Variants in TRIM67 observed in about 807,000 individuals in gnomAD.
TRIM67 encodes the protein tripartite motif-containing protein 67.
Under a neutral mutation model 71.0 loss-of-function variants are expected in TRIM67, and 39 were observed. That is an observed-to-expected ratio of 0.55 (90% CI 0.43 to 0.72). TRIM67 has a LOEUF of 0.72. Ranked by LOEUF, TRIM67 falls within the 30% of genes least tolerant of loss-of-function variation. The pLI is 0.00. For missense variants in TRIM67, 973 were observed against 1,079.2 expected (o/e 0.90, Z 1.38); for synonymous variants, 481 against 473.9 (o/e 1.01, Z -0.19).
chr1:231,188,598 C>A (rs1334581994), intron 1 of TRIM67, among the ~76,000 whole-genome samples: 9 of 152,174 alleles, frequency 5.9e-5, no homozygotes, highest in African/African-American at 2.2e-4. Flanking sequence ...CAAAGAGCAT[C>A]GACTTTGGAT....
intron 1 of TRIM67, among the ~76,000 whole-genome samples, chr1:231,192,195 TCTCC>T (rs1400582828): frequency 7.0e-6 from 1 of 143,200 alleles, no homozygotes; most frequent in Non-Finnish European, 1.5e-5. Flanking sequence ...TCTCTCTCAC[TCTCC>T]CTGTCTCTCT....
chr1:231,174,152 C>CTTTTTTTTTTTTT (rs35651112), intron 1 of TRIM67, among the ~76,000 whole-genome samples: 9 of 127,350 alleles, frequency 7.1e-5, no homozygotes, highest in African/African-American at 1.2e-4. Flanking sequence ...GTCTTATTTT[C>CTTTTTTTTTTTTT]TTTTTTTTTT....
At chr1:231,184,866 A>T in intron 1 of TRIM67, 1 of 682,728 alleles carries the variant, frequency 1.5e-6, no homozygotes, top group South Asian at 1.9e-5. Context: ...TTCACACGTG[A>T]GGACACGAAG....
At chr1:231,181,147 GT>G (rs377334781) in intron 1 of TRIM67, among the ~76,000 whole-genome samples, 1 of 152,132 alleles carries the variant, frequency 6.6e-6, no homozygotes, top group African/African-American at 2.4e-5. Context: ...TATATTTTTA[GT>G]AAAGATGAGG....
In TRIM67 at chr1:231,201,414, C is replaced by T. The variant is rs184603548; in HGVS notation, c.1431C>T (p.Gly477=). 3.3e-5 allele frequency: 53 copies of T among 1,613,452 alleles called. No homozygotes were observed. Among genetic ancestry groups the T allele is most frequent in the Middle Eastern group, 1.6e-4 (1 of 6,062 alleles). The change falls in exon 5 of 10, where the codon GGC becomes GGT. Residue 477 remains glycine, a synonymous_variant. Coordinates refer to ENST00000366653, the MANE Select transcript of TRIM67 (RefSeq NM_001004342.5). ...VQVSQEQWVK[G]ALEPKVSAEF... is the part of the protein sequence containing the mutation. ...TGTCTCAGGAGCAGTGGGTCAAAGGCGCCCTGGAGCCGAAAGTGTCTGCGG... is the reference window on the plus strand; with the variant it reads ...TGTCTCAGGAGCAGTGGGTCAAAGGTGCCCTGGAGCCGAAAGTGTCTGCGG...
At chr1:231,164,931 A>G (rs1003986220) in intron 1 of TRIM67, among the ~76,000 whole-genome samples, 4 of 152,220 alleles carry the variant, frequency 2.6e-5, no homozygotes, top group African/African-American at 9.6e-5. Context: ...AACATTTTAG[A>G]ATAACAAATT....
intron 5 of TRIM67, 46 bp downstream of exon 5, chr1:231,201,563 A>T: frequency 4.4e-6 from 7 of 1,593,124 alleles, no homozygotes; most frequent in Non-Finnish European, 6.0e-6. Context: ...CTTTCAAAAG[A>T]GGCATGCAGT....
Position 231,201,515 on chromosome 1 carries a change from G to A in TRIM67, c.1532G>A (p.Arg511Lys), listed in dbSNP as rs771074034. Residue 511 changes from arginine (R) to lysine (K), a missense_variant and splice_region_variant, in exon 5 of 10, where the codon AGG becomes AAG. By Grantham distance (26) the Arg-to-Lys change is conservative (BLOSUM62 2). Around this residue, in one of 2 missense-constraint regions of TRIM67, gnomAD observed 795 missense variants for 831.3 expected, o/e 0.96. Transcript: ENST00000366653. The part of the protein sequence containing the change: ...HQLDFIQMKC[R>K]VPPVPLLQLE... ...CTGGACTTCATTCAGATGAAATGTA[G>A]GGGTGAGCCGCGGTTGGCCCCAGTT... The A allele has an allele frequency of 4.3e-6, 7 of 1,613,456 alleles. No individual in the cohort carries two copies. Among genetic ancestry groups the A allele is most frequent in the Non-Finnish European group, 5.9e-6 (7 of 1,179,726 alleles).
Position 231,188,444 on chromosome 1 carries a change from G to A in TRIM67, c.1045-8927G>A, listed in dbSNP as rs1558297916. On this transcript the variant is annotated intron_variant, in intron 1 of 9. Transcript: ENST00000366653. ...AAGCACACAGAATGCCAGGGACAAG[G>A]GTCCCCTGGAGAATAAAGATGCAGC... Among the ~76,000 whole-genome samples the A allele has an allele frequency of 2.0e-5, 3 of 152,220 alleles. 1 individual carries two copies. The highest frequency in any genetic ancestry group is 4.4e-5 in the Non-Finnish European group (3 of 68,036).
At chr1:231,185,936 G>A in intron 1 of TRIM67, 1 of 673,394 alleles carries the variant, frequency 1.5e-6, no homozygotes, top group East Asian at 2.7e-5. Context: ...AGATGAGTGT[G>A]ATAAACGGCC....
In TRIM67 at chr1:231,192,412, T is replaced by C. The variant is rs1007725364; in HGVS notation, c.1045-4959T>C. On this transcript the variant is annotated intron_variant, in intron 1 of 9. Coordinates refer to ENST00000366653, the MANE Select transcript of TRIM67 (RefSeq NM_001004342.5). ...CCAGGCTGGTCTCAAACTCCTGGGT[T>C]CAAGCAATCCTCCCACCCCGGCCTC... 5.3e-5 allele frequency among the ~76,000 whole-genome samples: 8 copies of C among 152,208 alleles called. No homozygotes were observed. The South Asian group carries it at 1.7e-3, about 32-fold the overall frequency.
chr1:231,181,319 A>G (rs549853425), intron 1 of TRIM67, among the ~76,000 whole-genome samples: 1 of 152,172 alleles, frequency 6.6e-6, no homozygotes, highest in Non-Finnish European at 1.5e-5. Flanking sequence ...TTCCTCTGCT[A>G]TGAGTCTACT....
intron 1 of TRIM67, among the ~76,000 whole-genome samples, chr1:231,171,645 T>G (rs1682621937): frequency 6.6e-6 from 1 of 152,146 alleles, no homozygotes. Flanking sequence ...TTTTGTGAAG[T>G]TCTTGATGTG....
chr1:231,216,039 T>C lies in TRIM67; in HGVS notation c.*599T>C. ...GACATTAATCATTCATGCTTGACTTTTGCCTCTCTCACTGAAGTGTTAGAA... is the reference window on the plus strand; with the variant it reads ...GACATTAATCATTCATGCTTGACTTCTGCCTCTCTCACTGAAGTGTTAGAA... On this transcript the variant is annotated 3_prime_UTR_variant, in exon 10 of 10. Transcript: ENST00000366653. The C allele has an allele frequency of 1.0e-6, 1 of 985,494 alleles. No homozygotes were observed. 61.0% of individuals were successfully genotyped at this position (985,494 alleles called of 1,614,324 possible).
chr1:231,168,924 G>A (rs1304798550), intron 1 of TRIM67, among the ~76,000 whole-genome samples: 1 of 152,240 alleles, frequency 6.6e-6, no homozygotes, highest in Non-Finnish European at 1.5e-5. Flanking sequence ...CTCTATGGCT[G>A]ATGATTGTAC....
chr1:231,198,105 G>A (rs940792974), intron 2 of TRIM67, among the ~76,000 whole-genome samples: 5 of 152,194 alleles, frequency 3.3e-5, no homozygotes, highest in African/African-American at 1.2e-4. Flanking sequence ...GTCCTTTGTG[G>A]CATCTGTATA....
intron 5 of TRIM67, among the ~76,000 whole-genome samples, chr1:231,202,168 T>TGGA (rs796699897): frequency 9.2e-4 from 4 of 4,348 alleles, no homozygotes; most frequent in South Asian, 9.1e-3. Flanking sequence ...GAGGAGGTAG[T>TGGA]GGAGGAGGAG....
chr1:231,200,867 G>A (rs925516438), intron 4 of TRIM67, among the ~76,000 whole-genome samples: 1 of 152,250 alleles, frequency 6.6e-6, no homozygotes, highest in Non-Finnish European at 1.5e-5. Flanking sequence ...CAGAACCACG[G>A]GTGTGATGCA....
At chr1:231,215,318 C>A (rs1683987044) in intron 9 of TRIM67, 57 bp from the exon 10 acceptor site, 1 of 1,585,194 alleles carries the variant, frequency 6.3e-7, no homozygotes, top group Non-Finnish European at 8.6e-7. Context: ...CTGTCAGAGC[C>A]CTCAGGGTCC....
Sources: allele counts gnomAD v4.1 joint callset (sites outside exome capture counted in the v4.1 genomes callset), GRCh38; gene constraint gnomAD v4.1.1; regional missense constraint gnomAD v4.1.1; transcripts MANE v1.5; gene names NCBI Gene and HGNC (gene_info 2026-07-23, HGNC 2026-07-21).